CSMD1: variants seen among roughly 807,000 people sequenced by gnomAD.
The protein encoded by CSMD1 is CUB and sushi domain-containing protein 1.
CSMD1 carries 213 observed loss-of-function variants against 417.5 expected under a neutral mutation model. The ratio of observed to expected loss-of-function variants is 0.51; its 90% CI spans 0.46 to 0.57. The LOEUF (loss-of-function observed/expected upper bound fraction) is 0.57. CSMD1 is among the 20% of genes least tolerant of loss of function. The pLI is 0.00. For synonymous variants in CSMD1, 2,862 were observed against 1,736.8 expected (o/e 1.65, Z -16.11); for missense variants, 6,923 against 4,529.7 (o/e 1.53, Z -15.17).
At chr8:4,737,665 G>C (rs1253974721) in intron 1 of CSMD1, among the ~76,000 whole-genome samples, 2 of 152,162 alleles carry the variant, frequency 1.3e-5, no homozygotes, top group Non-Finnish European at 2.9e-5. Flanking sequence ...AAAAGAGACA[G>C]GTTGGATGAA....
intron 10 of CSMD1, among the ~76,000 whole-genome samples, chr8:3,502,022 A>C (rs1428075108): frequency 6.6e-6 from 1 of 152,218 alleles, no homozygotes; most frequent in Non-Finnish European, 1.5e-5. Flanking sequence ...GAAGCTTCTT[A>C]CATAACCAAC....
chr8:3,668,568 C>G (rs978425936), intron 7 of CSMD1, among the ~76,000 whole-genome samples: 2 of 152,074 alleles, frequency 1.3e-5, no homozygotes, highest in Admixed American at 6.6e-5. Flanking sequence ...CAAAGGGGAT[C>G]AAGCCTGGTC....
At chr8:4,643,823 C>T (rs1016202461) in intron 1 of CSMD1, among the ~76,000 whole-genome samples, 2 of 152,126 alleles carry the variant, frequency 1.3e-5, no homozygotes, top group Non-Finnish European at 2.9e-5. Context: ...TTTAAAGTGC[C>T]GTTCCGGGGA....
intron 3 of CSMD1, among the ~76,000 whole-genome samples, chr8:4,111,344 T>G (rs1160375811): frequency 3.9e-5 from 6 of 152,132 alleles, no homozygotes; most frequent in African/African-American, 1.4e-4. Flanking sequence ...AAAAAAGACC[T>G]TGGGAAAAGT....
chr8:3,315,088 A>G (rs1805649423), intron 23 of CSMD1, among the ~76,000 whole-genome samples: 1 of 152,202 alleles, frequency 6.6e-6, no homozygotes, highest in Non-Finnish European at 1.5e-5. Context: ...CTATCTGTTA[A>G]TTTTACCTAA....
chr8:4,001,226 G>C (rs920898770), intron 4 of CSMD1, among the ~76,000 whole-genome samples: 1 of 152,118 alleles, frequency 6.6e-6, no homozygotes, highest in Non-Finnish European at 1.5e-5. Flanking sequence ...ATTCTTCTGG[G>C]AAAACCTCTC....
chr8:3,648,926 AT>A (rs1040013862), intron 7 of CSMD1, among the ~76,000 whole-genome samples: 6 of 151,142 alleles, frequency 4.0e-5, no homozygotes, highest in South Asian at 2.1e-4. Context: ...AACAACAGCT[AT>A]TTTTTTTTCT....
Position 4,502,796 on chromosome 8 carries a change from G to C in CSMD1, c.303-82731C>G, listed in dbSNP as rs563130811. Among the ~76,000 whole-genome samples the C allele has an allele frequency of 5.3e-5, 8 of 152,182 alleles. No individual in the cohort carries two copies. In the South Asian group the frequency reaches 6.2e-4, roughly 12 times the overall value. ...CCACAAGAGCATGACCAATCTGTTGGACTCACCAGTAAATCCCCAGTGTGT... is the reference window on the plus strand; with the variant it reads ...CCACAAGAGCATGACCAATCTGTTGCACTCACCAGTAAATCCCCAGTGTGT... On this transcript the variant is annotated intron_variant, in intron 2 of 69. Transcript: ENST00000635120.
rs184566538 is a variant in CSMD1 at position 4,861,914 on chromosome 8, T to C, written c.85+132418A>G. 1.2e-4 allele frequency among the ~76,000 whole-genome samples: 18 copies of C among 152,214 alleles called. No individual in the cohort carries two copies. The East Asian group carries it at 3.3e-3, about 28-fold the overall frequency. ...GAGAACCTGAAGAACTTTCCACTTA[T>C]TATACTTACATTTCAAAACGGGGAT... On this transcript the variant is annotated intron_variant, in intron 1 of 69. Transcript: ENST00000635120.
intron 3 of CSMD1, among the ~76,000 whole-genome samples, chr8:4,260,282 T>C (rs532085304): frequency 1.3e-5 from 2 of 152,336 alleles, no homozygotes; most frequent in East Asian, 3.9e-4. Context: ...ATGTTTGTAT[T>C]TGTTCATTGA....
intron 7 of CSMD1, among the ~76,000 whole-genome samples, chr8:3,655,645 T>C (rs1179188379): frequency 8.1e-5 from 11 of 136,628 alleles, no homozygotes; most frequent in Non-Finnish European, 6.3e-5. Flanking sequence ...ACAAGATGAC[T>C]CAATGGAGGT....
chr8:3,233,785 C>T (rs1052249642), intron 26 of CSMD1, among the ~76,000 whole-genome samples: 3 of 152,088 alleles, frequency 2.0e-5, no homozygotes, highest in African/African-American at 7.2e-5. Context: ...TCTTTGCATT[C>T]TGCTTTGAAG....
At chr8:4,346,526 C>T (rs888358925) in intron 3 of CSMD1, among the ~76,000 whole-genome samples, 4 of 152,106 alleles carry the variant, frequency 2.6e-5, no homozygotes, top group Admixed American at 6.6e-5. Flanking sequence ...GAATTAAAAT[C>T]CAGTTACAGA....
intron 3 of CSMD1, among the ~76,000 whole-genome samples, chr8:4,239,209 C>G (rs530699984): frequency 6.6e-6 from 1 of 152,154 alleles, no homozygotes; most frequent in Non-Finnish European, 1.5e-5. Flanking sequence ...ACAGTTGAGT[C>G]TCACGTTTCA....
intron 3 of CSMD1, among the ~76,000 whole-genome samples, chr8:4,310,855 T>C (rs1798522865): frequency 6.6e-6 from 1 of 152,182 alleles, no homozygotes; most frequent in African/African-American, 2.4e-5. Context: ...AGAAATGCCT[T>C]CTTCTCAAAA....
chr8:4,427,953 T>A (rs1450702830), intron 2 of CSMD1, among the ~76,000 whole-genome samples: 1 of 152,198 alleles, frequency 6.6e-6, no homozygotes, highest in Non-Finnish European at 1.5e-5. Flanking sequence ...TGTTTTCAAA[T>A]GTTTTTCTGA....
intron 5 of CSMD1, among the ~76,000 whole-genome samples, chr8:3,964,734 G>A (rs978867512): frequency 3.3e-5 from 5 of 152,274 alleles, no homozygotes; most frequent in Middle Eastern, 3.4e-3. Flanking sequence ...ATGTACTTGC[G>A]TGACACATAC....
chr8:4,940,785 A>G (rs1179380403), intron 1 of CSMD1, among the ~76,000 whole-genome samples: 2 of 152,190 alleles, frequency 1.3e-5, no homozygotes, highest in Non-Finnish European at 2.9e-5. Context: ...AGGGGGCAAA[A>G]AAATTTTAAA....
chr8:3,108,555 A>T, intron 44 of CSMD1, 48 bp downstream of exon 44: 1 of 1,598,004 alleles, frequency 6.3e-7, no homozygotes, highest in East Asian at 2.2e-5. Flanking sequence ...TGCAGGAAAC[A>T]CCACATGGAA....
Sources: gnomAD v4.1 joint callset for allele counts (sites outside exome capture counted in the v4.1 genomes callset) on GRCh38, gnomAD v4.1.1 for gene constraint, MANE v1.5 for transcripts, NCBI Gene and HGNC (gene_info 2026-07-23, HGNC 2026-07-21) for gene names.